Variants in LHFPL3 observed in about 807,000 individuals in gnomAD.
The protein encoded by LHFPL3 is LHFPL tetraspan subfamily member 3, also known as LHFPL tetraspan subfamily member 3 protein.
Under a neutral mutation model 19.3 loss-of-function variants are expected in LHFPL3, and 5 were observed. The ratio of observed to expected loss-of-function variants is 0.26; its 90% CI spans 0.14 to 0.54. LHFPL3 has a LOEUF of 0.54. Among genes scored for constraint, LHFPL3 ranks in the 20% least tolerant of loss-of-function variants. The pLI, the probability that LHFPL3 is intolerant of heterozygous loss-of-function variation, is 0.94. For synonymous variants in LHFPL3, 133 were observed against 126.2 expected, an observed-to-expected ratio of 1.05 and a Z score of -0.36; for missense variants, 249 against 307.4, an observed-to-expected ratio of 0.81 and a Z score of 1.42.
intron 2 of LHFPL3, among the ~76,000 whole-genome samples, chr7:104,763,229 A>G (rs1030776150): frequency 6.6e-6 from 1 of 152,204 alleles, no homozygotes; most frequent in Non-Finnish European, 1.5e-5. Context: ...AAAGGTCACA[A>G]TGTCCCAACC....
intron 1 of LHFPL3, among the ~76,000 whole-genome samples, chr7:104,556,766 C>A (rs988070686): frequency 6.6e-6 from 1 of 152,206 alleles, no homozygotes; most frequent in Non-Finnish European, 1.5e-5. Context: ...TGTCAGACTG[C>A]AAATTTTTCA....
intron 1 of LHFPL3, among the ~76,000 whole-genome samples, chr7:104,720,486 G>A (rs1160916072): frequency 6.6e-6 from 1 of 152,154 alleles, no homozygotes; most frequent in Non-Finnish European, 1.5e-5. Context: ...CATGGGCAAG[G>A]ACTTCATGAC....
At position 104,744,070 on chromosome 7, in the gene LHFPL3, G is replaced by A. The variant is rs529678896; in HGVS notation, c.682+7159G>A. On this transcript the variant is annotated intron_variant, in intron 2 of 2. Coordinates refer to ENST00000424859, the MANE Select transcript of LHFPL3 (RefSeq NM_199000.3). ...CTTACCATGTTGCCCAACTGGTCTC[G>A]CGAAGTCCTAGGCCCAAGGGATCCA... 2.9e-4 allele frequency: 43 copies of A among 149,548 alleles called. 1 individual carries two copies. The highest frequency in any genetic ancestry group is 8.9e-4 in the African/African-American group (36 of 40,542). 9.3% of individuals were successfully genotyped at this position (149,548 alleles called of 1,614,324 possible).
chr7:104,674,333 G>A (rs1792546501), intron 1 of LHFPL3, among the ~76,000 whole-genome samples: 1 of 150,752 alleles, frequency 6.6e-6, no homozygotes, highest in Non-Finnish European at 1.5e-5. Flanking sequence ...GATTAAATTT[G>A]AAGTGGGAAA....
At chr7:104,409,831 G>T (rs984074767) in intron 1 of LHFPL3, among the ~76,000 whole-genome samples, 1 of 151,958 alleles carries the variant, frequency 6.6e-6, no homozygotes, top group East Asian at 1.9e-4. Context: ...CCTAGAAATG[G>T]AATAAGCTCT....
intron 1 of LHFPL3, among the ~76,000 whole-genome samples, chr7:104,724,296 T>C (rs1296153010): frequency 6.6e-6 from 1 of 152,204 alleles, no homozygotes; most frequent in Non-Finnish European, 1.5e-5. Flanking sequence ...TTAAATATAC[T>C]AAGCTTTTGG....
At chr7:104,495,204 C>T (rs1793437305) in intron 1 of LHFPL3, among the ~76,000 whole-genome samples, 1 of 152,070 alleles carries the variant, frequency 6.6e-6, no homozygotes, top group Admixed American at 6.6e-5. Context: ...TTTGGGCTTT[C>T]ACAGAATCTT....
rs112543248 is a variant in LHFPL3, at chr7:104,667,264, T to TGGGG, written c.446-69405_446-69402dup. Reference sequence around the variant, plus strand: ...CCCCTCCTACAATCATCTGTTTTCTTGGGGGGGGGAATCTTTAATTGGCTT... The same window carrying TGGGG: ...CCCCTCCTACAATCATCTGTTTTCTTGGGGGGGGGGGGGAATCTTTAATTGGCTT... On this transcript the variant is annotated intron_variant, in intron 1 of 2. Coordinates refer to ENST00000424859, the MANE Select transcript of LHFPL3 (RefSeq NM_199000.3). Among the ~76,000 whole-genome samples, 738 of 148,046 alleles carry TGGGG rather than the reference T, an allele frequency of 5.0e-3. 10 individuals carry two copies. Among genetic ancestry groups the TGGGG allele is most frequent in the African/African-American group, 0.018 (696 of 38,828 alleles).
rs150586069 is a variant in LHFPL3, at chr7:104,590,106, A to C, written c.446-146569A>C. Among the ~76,000 whole-genome samples, 624 of 151,954 alleles carry C rather than the reference A, an allele frequency of 4.1e-3. 35 individuals are homozygous for C. In the East Asian group the frequency reaches 0.1, roughly 24 times the overall value. On this transcript the variant is annotated intron_variant, in intron 1 of 2. Transcript: ENST00000424859. ...TTTTTGAAGGGTTTTTTGTGTCTCT[A>C]TCTCCTTCAGTTCTGCTCTCATCTT...
chr7:104,667,350 G>A (rs535175537), intron 1 of LHFPL3, among the ~76,000 whole-genome samples: 1 of 151,886 alleles, frequency 6.6e-6, no homozygotes, highest in African/African-American at 2.4e-5. Flanking sequence ...GCCCACTCTT[G>A]CATTCACAAA....
chr7:104,544,514 C>T (rs758429702), intron 1 of LHFPL3, among the ~76,000 whole-genome samples: 100 of 152,268 alleles, frequency 6.6e-4, no homozygotes, highest in South Asian at 1.7e-3. Flanking sequence ...TTTTCTTCTC[C>T]AGTTAATCCC....
intron 2 of LHFPL3, among the ~76,000 whole-genome samples, chr7:104,761,667 C>G (rs1234855667): frequency 4.6e-5 from 7 of 152,142 alleles, no homozygotes; most frequent in African/African-American, 1.7e-4. Context: ...AACGCAGGAT[C>G]CCTTCATTTG....
intron 1 of LHFPL3, among the ~76,000 whole-genome samples, chr7:104,481,466 A>C (rs1303584553): frequency 6.6e-6 from 1 of 152,048 alleles, no homozygotes; most frequent in Admixed American, 6.5e-5. Context: ...CTCCAACTAC[A>C]CAAAATCATT....
At chr7:104,776,857 T>C (rs936142198) in intron 2 of LHFPL3, among the ~76,000 whole-genome samples, 5 of 152,208 alleles carry the variant, frequency 3.3e-5, no homozygotes, top group African/African-American at 1.2e-4. Context: ...CATGGGCTTT[T>C]ACAACAGAGG....
intron 1 of LHFPL3, among the ~76,000 whole-genome samples, chr7:104,603,060 C>CTTTCTT (rs1369395886): frequency 1.4e-5 from 2 of 138,726 alleles, no homozygotes; most frequent in Non-Finnish European, 3.1e-5. Context: ...TTTTTTCTTT[C>CTTTCTT]TTTCTTTTTC....
chr7:104,597,930 G>C (rs1346771071), intron 1 of LHFPL3, among the ~76,000 whole-genome samples: 1 of 152,148 alleles, frequency 6.6e-6, no homozygotes, highest in Admixed American at 6.6e-5. Context: ...TTTGAAAAAT[G>C]CCCCTATCAC....
intron 1 of LHFPL3, among the ~76,000 whole-genome samples, chr7:104,646,604 T>A (rs1200162990): frequency 6.6e-6 from 1 of 152,222 alleles, no homozygotes; most frequent in Non-Finnish European, 1.5e-5. Flanking sequence ...AGTTTACTTA[T>A]AATGCATATT....
intron 1 of LHFPL3, among the ~76,000 whole-genome samples, chr7:104,490,516 C>G (rs1793322067): frequency 6.6e-6 from 1 of 151,942 alleles, no homozygotes; most frequent in Non-Finnish European, 1.5e-5. Flanking sequence ...ATCCGAAAAT[C>G]AACCCCTGAG....
chr7:104,399,723 C>T lies in LHFPL3; in HGVS notation c.445+70499C>T, dbSNP rs113033989. Among the ~76,000 whole-genome samples, 6,961 of 151,040 alleles carry T rather than the reference C, an allele frequency of 0.046. 312 individuals are homozygous for T. Among genetic ancestry groups the T allele is most frequent in the African/African-American group, 0.11 (4,610 of 41,062 alleles). ...TCCCAACCTCGTGCTCCGCCCACCT[C>T]GGCCTCCCAAAGTGCTGGGATTACA... On this transcript the variant is annotated intron_variant, in intron 1 of 2. Transcript: ENST00000424859. The surrounding 1 kb of genome is among the most constrained non-coding windows in gnomAD (Gnocchi z 4.4).
Sources: gnomAD v4.1 joint callset for allele counts (sites outside exome capture counted in the v4.1 genomes callset) on GRCh38, gnomAD v4.1.1 for gene constraint, Gnocchi (gnomAD v3.1) non-coding constraint, MANE v1.5 for transcripts, NCBI Gene and HGNC (gene_info 2026-07-23, HGNC 2026-07-21) for gene names.